The following SHISA9 variants were observed in gnomAD, a reference collection of about 807,000 sequenced individuals.
The protein encoded by SHISA9 is protein shisa-9.
Under a neutral mutation model 38.0 loss-of-function variants are expected in SHISA9, and 13 were observed. The observed-to-expected ratio is 0.34, with a 90% CI of 0.22 to 0.54. The LOEUF is 0.54. Among genes scored for constraint, SHISA9 ranks in the 20% least tolerant of loss-of-function variants. SHISA9 has a pLI of 0.91. For missense variants in SHISA9, 538 were observed against 575.8 expected (o/e 0.93, Z 0.67); for synonymous variants, 275 against 242.0 (o/e 1.14, Z -1.27).
the SHISA9 span, among the ~76,000 whole-genome samples, chr16:13,280,452 G>A: frequency 6.6e-6 from 1 of 151,408 alleles, no homozygotes. Context: ...TTCCCTCTAA[G>A]GACTGCTTTC....
chr16:13,265,969 G>A, the SHISA9 span, among the ~76,000 whole-genome samples: 1 of 152,148 alleles, frequency 6.6e-6, no homozygotes, highest in African/African-American at 2.4e-5. Context: ...GAGAATTTCT[G>A]TTATTAAGAT....
chr16:12,970,407 A>ATATGTATATATATATATATATATG (rs1333374020), intron 2 of SHISA9, among the ~76,000 whole-genome samples: 1 of 14,952 alleles, frequency 6.7e-5, no homozygotes, highest in African/African-American at 2.1e-4. Context: ...ATATATACAT[A>ATATGTATATATATATATATATATG]TATATATATA....
intron 2 of SHISA9, among the ~76,000 whole-genome samples, chr16:13,186,449 C>T (rs2050824240): frequency 6.6e-6 from 1 of 151,724 alleles, no homozygotes. Flanking sequence ...AGGTGCATGC[C>T]ACCACACCCG....
At chr16:13,102,298 A>G (rs1042229317) in intron 2 of SHISA9, among the ~76,000 whole-genome samples, 3 of 152,218 alleles carry the variant, frequency 2.0e-5, no homozygotes, top group Non-Finnish European at 2.9e-5. Context: ...CTCAACATCC[A>G]GGTCACAGGA....
intron 2 of SHISA9, among the ~76,000 whole-genome samples, chr16:12,919,872 C>T (rs1429073506): frequency 6.6e-6 from 1 of 152,132 alleles, no homozygotes; most frequent in East Asian, 1.9e-4. Flanking sequence ...GATGTAGTTT[C>T]CTGTGAGATG....
At chr16:13,286,144 T>C in the SHISA9 span, among the ~76,000 whole-genome samples, 2 of 152,268 alleles carry the variant, frequency 1.3e-5, no homozygotes, top group South Asian at 2.1e-4. Flanking sequence ...CCCTCTTGAG[T>C]TGTCTTGCCT....
At chr16:13,488,566 A>G in the SHISA9 span, among the ~76,000 whole-genome samples, 1 of 152,178 alleles carries the variant, frequency 6.6e-6, no homozygotes, top group Admixed American at 6.5e-5. Flanking sequence ...AATACTTACC[A>G]TTGTTACAGC....
chr16:13,378,367 A>C, the SHISA9 span, among the ~76,000 whole-genome samples: 1 of 152,114 alleles, frequency 6.6e-6, no homozygotes, highest in East Asian at 1.9e-4. Flanking sequence ...TGGCAGGATG[A>C]CTGTACATTC....
the SHISA9 span, among the ~76,000 whole-genome samples, chr16:13,556,196 A>T: frequency 2.0e-5 from 3 of 152,198 alleles, no homozygotes; most frequent in South Asian, 4.1e-4. Context: ...CATGTTAAAT[A>T]TTAAGTCATT....
the SHISA9 span, among the ~76,000 whole-genome samples, chr16:13,276,270 T>TAGCACATA: frequency 1.3e-5 from 2 of 151,918 alleles, no homozygotes; most frequent in Admixed American, 6.6e-5. Context: ...CTGCATAGTA[T>TAGCACATA]TCCATCATAT....
the SHISA9 span, among the ~76,000 whole-genome samples, chr16:13,301,581 A>C: frequency 1.3e-5 from 2 of 152,262 alleles, no homozygotes; most frequent in African/African-American, 4.8e-5. Context: ...GTAGCAGAAA[A>C]TTATAACTAA....
intron 2 of SHISA9, among the ~76,000 whole-genome samples, chr16:13,152,232 A>T (rs1424737267): frequency 1.3e-5 from 2 of 152,170 alleles, no homozygotes; most frequent in African/African-American, 4.8e-5. Context: ...TATTTATTTC[A>T]GACACTTTTT....
chr16:13,511,573 A>G, the SHISA9 span, among the ~76,000 whole-genome samples: 1 of 152,190 alleles, frequency 6.6e-6, no homozygotes, highest in Non-Finnish European at 1.5e-5. Flanking sequence ...AGGGAGTACA[A>G]GTCAGTGATC....
At chr16:13,241,374 C>T (rs565024491), downstream of SHISA9, among the ~76,000 whole-genome samples, 17 of 152,226 alleles carry the variant, frequency 1.1e-4, no homozygotes, top group South Asian at 1.0e-3. Flanking sequence ...GGTGTGGTGG[C>T]GCATGCCTGT....
chr16:13,024,196 CTG>C (rs992885064), intron 2 of SHISA9, among the ~76,000 whole-genome samples: 2 of 152,222 alleles, frequency 1.3e-5, no homozygotes, highest in Non-Finnish European at 2.9e-5. Context: ...CCCAGGTCTG[CTG>C]TTTCCAGAGC....
rs1470461617 is a variant in SHISA9 at position 13,236,927 on chromosome 16, T to A, written c.*1518T>A. 1 of 152,232 alleles carries A rather than the reference T, an allele frequency of 6.6e-6. No homozygotes were observed. Among genetic ancestry groups the A allele is most frequent in the Non-Finnish European group, 1.5e-5 (1 of 68,050 alleles). 9.4% of individuals were successfully genotyped at this position (152,232 alleles called of 1,614,324 possible). ...TTGTTTTTCTGGTTGGTTCTCATAA[T>A]CCATAGTCCTTGGGGTCCCAGCAAA... On this transcript the variant is annotated 3_prime_UTR_variant, in exon 5 of 5. Coordinates refer to ENST00000558583, the MANE Select transcript of SHISA9 (RefSeq NM_001145204.3).
chr16:12,970,416 T>TATAC (rs1567357119), intron 2 of SHISA9, among the ~76,000 whole-genome samples: 4 of 38,916 alleles, frequency 1.0e-4, no homozygotes, highest in East Asian at 1.1e-3. Flanking sequence ...TATATATATA[T>TATAC]ACACATATAT....
chr16:13,431,847 G>C, the SHISA9 span, among the ~76,000 whole-genome samples: 1 of 152,188 alleles, frequency 6.6e-6, no homozygotes, highest in Non-Finnish European at 1.5e-5. Flanking sequence ...GATCACCTGA[G>C]GTCAGGAGTT....
the SHISA9 span, among the ~76,000 whole-genome samples, chr16:13,491,156 C>T: frequency 3.3e-5 from 5 of 152,172 alleles, no homozygotes; most frequent in African/African-American, 4.8e-5. Context: ...TGCTCATAAA[C>T]GGTGAAGTCA....
Sources: allele counts gnomAD v4.1 joint callset (sites outside exome capture counted in the v4.1 genomes callset), GRCh38; gene constraint gnomAD v4.1.1; transcripts MANE v1.5; gene names NCBI Gene and HGNC (gene_info 2026-07-23, HGNC 2026-07-21).